The following SCYL2 variants were observed in gnomAD, a reference collection of about 807,000 sequenced individuals.
The protein encoded by SCYL2 is SCY1-like protein 2.
SCYL2 carries 36 observed loss-of-function variants against 100.4 expected under a neutral mutation model. The ratio of observed to expected loss-of-function variants is 0.36; its 90% CI spans 0.27 to 0.47. The LOEUF is 0.47. Ranked by LOEUF, SCYL2 falls within the 20% of genes least tolerant of loss-of-function variation. The probability of loss-of-function intolerance (pLI) is 1.00; values close to 1 mark genes in which losing one functional copy is unlikely to be tolerated. For synonymous variants in SCYL2, 330 were observed against 359.2 expected, an observed-to-expected ratio of 0.92 and a Z score of 0.92; for missense variants, 902 against 1,083.9, an observed-to-expected ratio of 0.83 and a Z score of 2.36.
Position 100,319,379 on chromosome 12 carries a change from T to C in SCYL2, c.1395+1454T>C, listed in dbSNP as rs377319551. ...CACAGGCTCTGTGCAGCCAAACTTG[T>C]TTTATATTTAGTGATATTAAAGAAG... is the stretch of plus-strand genomic sequence containing the variant. On this transcript the variant is annotated intron_variant, in intron 10 of 17. Transcript: ENST00000360820. 49 of 398,826 alleles carry C rather than the reference T, an allele frequency of 1.2e-4. No individual in the cohort carries two copies. The East Asian group carries it at 2.4e-3, about 20-fold the overall frequency. 24.7% of individuals were successfully genotyped at this position (398,826 alleles called of 1,614,324 possible).
intron 10 of SCYL2, among the ~76,000 whole-genome samples, chr12:100,323,124 G>T (rs1385655999): frequency 1.3e-5 from 2 of 152,002 alleles, no homozygotes; most frequent in Non-Finnish European, 2.9e-5. Context: ...ACAGCTAAGA[G>T]AATTACTTGA....
chr12:100,292,792 C>T (rs750150292), intron 3 of SCYL2, among the ~76,000 whole-genome samples: 7 of 152,106 alleles, frequency 4.6e-5, no homozygotes, highest in Non-Finnish European at 1.0e-4. Context: ...CTGCACCATG[C>T]TGCATCTACC....
intron 1 of SCYL2, among the ~76,000 whole-genome samples, chr12:100,269,421 A>G (rs1354056725): frequency 2.0e-5 from 3 of 152,098 alleles, no homozygotes. Context: ...TGTTCTTACC[A>G]CACCATTGAA....
chr12:100,317,961 T>C (rs1171003461), intron 10 of SCYL2, 36 bp downstream of exon 10: 1 of 1,517,800 alleles, frequency 6.6e-7, no homozygotes, highest in East Asian at 2.3e-5. Context: ...TAATGATGAT[T>C]TTGATTCTTA....
chr12:100,294,818 G>C (rs1325169297), intron 3 of SCYL2, among the ~76,000 whole-genome samples: 4,323 of 146,032 alleles, frequency 0.03, 83 homozygotes, highest in African/African-American at 0.053. Context: ...CCTCCCTCCC[G>C]GACGGGGTGG....
chr12:100,294,295 G>A (rs1370725622), intron 3 of SCYL2, among the ~76,000 whole-genome samples: 4 of 132,056 alleles, frequency 3.0e-5, no homozygotes, highest in Admixed American at 7.2e-5. Context: ...GCGGCTGGCC[G>A]GGCAGAGGGG....
intron 1 of SCYL2, among the ~76,000 whole-genome samples, chr12:100,274,148 G>C (rs947190843): frequency 3.9e-5 from 6 of 152,168 alleles, no homozygotes; most frequent in African/African-American, 1.4e-4. Flanking sequence ...ATCTTTAATA[G>C]AAGAAAGTGG....
chr12:100,299,009 C>A (rs189836732), intron 4 of SCYL2, among the ~76,000 whole-genome samples: 100 of 152,276 alleles, frequency 6.6e-4, no homozygotes, highest in African/African-American at 2.3e-3. Flanking sequence ...AAGGGAGGAT[C>A]ACTTGAGCTC....
In SCYL2 at chr12:100,267,329, C is replaced by G; in HGVS notation, c.-492C>G. On this transcript the variant is annotated 5_prime_UTR_variant, in exon 1 of 18. Transcript: ENST00000360820. ...GGCACGAAGGCAGAGCAGGAACAGC[C>G]AGGAGGCGTTTATTAGGGGGGCGGG... 1 of 396,370 alleles carries G rather than the reference C, an allele frequency of 2.5e-6. No homozygotes were observed. The highest frequency in any genetic ancestry group is 2.1e-5 in the African/African-American group (1 of 48,490). The allele number at this position is 396,370 out of a possible 1,614,324, so 24.6% of individuals were successfully genotyped here.
rs750845555 is a variant in SCYL2, at chr12:100,312,549, T to C, written c.748T>C (p.Tyr250His). The C allele has an allele frequency of 1.1e-5, 17 of 1,612,938 alleles. No homozygotes were observed. In the Admixed American group the frequency reaches 1.7e-4, roughly 16 times the overall value. ...GAGCTGTGAAACAGCCAGTGATATG[T>C]ATTCTTTAGGAACTGTTATGTATGC... ...SVSCETASDMYSLGTVMYAVF... is the reference protein window; with the variant it reads ...SVSCETASDMHSLGTVMYAVF... Residue 250 changes from tyrosine to histidine, a missense_variant, in exon 6 of 18, where the codon TAT becomes CAT. Coordinates refer to ENST00000360820, the MANE Select transcript of SCYL2 (RefSeq NM_017988.6).
At chr12:100,273,379 G>A (rs973649299) in intron 1 of SCYL2, among the ~76,000 whole-genome samples, 5 of 151,964 alleles carry the variant, frequency 3.3e-5, no homozygotes, top group African/African-American at 7.2e-5. Flanking sequence ...ATTCTGTAGC[G>A]TTTTATCACT....
chr12:100,290,073 T>G (rs768546644), intron 2 of SCYL2, among the ~76,000 whole-genome samples: 1 of 152,220 alleles, frequency 6.6e-6, no homozygotes, highest in Non-Finnish European at 1.5e-5. Context: ...TAATTGAATA[T>G]GTCAGGTATT....
At chr12:100,315,821 TA>T in intron 9 of SCYL2, 87 bp downstream of exon 9, 4 of 1,118,240 alleles carry the variant, frequency 3.6e-6, no homozygotes, top group Non-Finnish European at 4.8e-6. Flanking sequence ...ATATATGACT[TA>T]AAAAAAACTG....
At chr12:100,336,567 T>TGA (rs1952279940) in intron 16 of SCYL2, among the ~76,000 whole-genome samples, 1 of 152,138 alleles carries the variant, frequency 6.6e-6, no homozygotes, top group Non-Finnish European at 1.5e-5. Context: ...GTACCCTTCT[T>TGA]GGTTTATTCC....
intron 8 of SCYL2, among the ~76,000 whole-genome samples, chr12:100,315,039 A>T (rs910913185): frequency 6.6e-6 from 1 of 152,226 alleles, no homozygotes; most frequent in African/African-American, 2.4e-5. Flanking sequence ...TGGAATACTA[A>T]TAATTCCTGG....
intron 17 of SCYL2, among the ~76,000 whole-genome samples, chr12:100,338,084 C>T (rs1200526548): frequency 1.3e-5 from 2 of 152,134 alleles, no homozygotes; most frequent in Non-Finnish European, 2.9e-5. Flanking sequence ...TAATCACTAA[C>T]ATTTTCTCTG....
Position 100,312,489 on chromosome 12 carries a change from C to A in SCYL2, c.688C>A (p.Pro230Thr). 2 of 1,613,702 alleles carry A rather than the reference C, an allele frequency of 1.2e-6. No homozygotes were observed. Among genetic ancestry groups the A allele is most frequent in the Non-Finnish European group, 1.7e-6 (2 of 1,179,922 alleles). ...PNLPSLCLPN[P>T]EYLAPEYILS... ...TTTACCTTCATTGTGTCTTCCAAAT[C>A]CTGAATATTTGGCTCCTGAATACAT... is the stretch of plus-strand genomic sequence containing the variant. The change falls in exon 6 of 18, where the codon CCT becomes ACT. Residue 230 changes from proline (P) to threonine (T), a missense_variant. Physicochemically the swap from Pro to Thr is conservative, Grantham distance 38. Transcript: ENST00000360820.
intron 1 of SCYL2, among the ~76,000 whole-genome samples, chr12:100,274,776 A>T (rs2096290981): frequency 6.6e-6 from 1 of 152,232 alleles, no homozygotes; most frequent in Non-Finnish European, 1.5e-5. Context: ...CAGGCAAATC[A>T]ATTTTAGGAA....
At chr12:100,322,338 A>G (rs2096356980) in intron 10 of SCYL2, among the ~76,000 whole-genome samples, 1 of 138,690 alleles carries the variant, frequency 7.2e-6, no homozygotes, top group South Asian at 2.2e-4. Flanking sequence ...GCGCCACTGC[A>G]CTCCAGCCTG....
Sources: gnomAD v4.1 joint callset for allele counts (sites outside exome capture counted in the v4.1 genomes callset) on GRCh38, gnomAD v4.1.1 for gene constraint, MANE v1.5 for transcripts, NCBI Gene and HGNC (gene_info 2026-07-23, HGNC 2026-07-21) for gene names.